The following ERC2 variants were observed in gnomAD, a reference collection of about 807,000 sequenced individuals.
The protein encoded by ERC2 is ELKS/RAB6-interacting/CAST family member 2.
In ERC2, 42 loss-of-function variants were observed where a neutral mutation model predicts 114.8. The observed-to-expected ratio is 0.37, with a 90% confidence interval of 0.29 to 0.47. The LOEUF (loss-of-function observed/expected upper bound fraction) is 0.47. Ranked by LOEUF, ERC2 falls within the 20% of genes least tolerant of loss-of-function variation. The pLI, the probability that ERC2 is intolerant of heterozygous loss-of-function variation, is 0.99. For synonymous variants in ERC2, 454 were observed against 425.5 expected (o/e 1.07, Z -0.82); for missense variants, 939 against 1,150.7 (o/e 0.82, Z 2.66).
chr3:55,978,068 A>G (rs9868630), intron 12 of ERC2, among the ~76,000 whole-genome samples: 68,514 of 152,046 alleles, frequency 0.45, 15,655 homozygotes, highest in Middle Eastern at 0.56. Context: ...CCAGTGCCTG[A>G]TACAGAGCAG....
intron 14 of ERC2, among the ~76,000 whole-genome samples, chr3:55,802,875 C>T (rs1012996581): frequency 6.6e-6 from 1 of 152,212 alleles, no homozygotes; most frequent in South Asian, 2.1e-4. Context: ...TCACAAACAT[C>T]TCCAGCATCA....
At chr3:55,958,177 G>C (rs1354143081) in intron 12 of ERC2, among the ~76,000 whole-genome samples, 1 of 152,192 alleles carries the variant, frequency 6.6e-6, no homozygotes, top group Non-Finnish European at 1.5e-5. Context: ...ATCCCAATGA[G>C]TGTTCAGCTC....
At chr3:56,098,791 G>C (rs569363295) in intron 6 of ERC2, among the ~76,000 whole-genome samples, 1 of 152,164 alleles carries the variant, frequency 6.6e-6, no homozygotes, top group African/African-American at 2.4e-5. Context: ...AGTTTGGGGA[G>C]CCATGGCATG....
chr3:55,934,001 C>T (rs953464201), intron 13 of ERC2, among the ~76,000 whole-genome samples: 1 of 152,076 alleles, frequency 6.6e-6, no homozygotes, highest in Non-Finnish European at 1.5e-5. Flanking sequence ...AGCCATCTAA[C>T]TCTAGCAAGC....
At chr3:56,007,383 T>C in intron 9 of ERC2, 62 bp from the exon 10 acceptor site, 1 of 1,401,512 alleles carries the variant, frequency 7.1e-7, no homozygotes, top group Non-Finnish European at 9.8e-7. Context: ...TGCCTTCAAT[T>C]TGAACACATT....
At chr3:55,670,442 C>T (rs981157155) in intron 17 of ERC2, among the ~76,000 whole-genome samples, 1 of 152,190 alleles carries the variant, frequency 6.6e-6, no homozygotes, top group African/African-American at 2.4e-5. Context: ...TTCCCCTTCC[C>T]ATGAGGGGAG....
intron 17 of ERC2, among the ~76,000 whole-genome samples, chr3:55,675,563 G>C (rs368037581): frequency 1.2e-4 from 18 of 152,290 alleles, no homozygotes; most frequent in African/African-American, 4.1e-4. Flanking sequence ...TGGGGCTGTG[G>C]AGATGGTTGG....
chr3:55,604,135 A>G (rs1229969636), intron 17 of ERC2, among the ~76,000 whole-genome samples: 1 of 152,188 alleles, frequency 6.6e-6, no homozygotes, highest in Non-Finnish European at 1.5e-5. Flanking sequence ...AGACTTTGCT[A>G]GCATTGTGAG....
At chr3:55,669,944 G>A (rs1252653045) in intron 17 of ERC2, among the ~76,000 whole-genome samples, 1 of 152,166 alleles carries the variant, frequency 6.6e-6, no homozygotes, top group East Asian at 1.9e-4. Flanking sequence ...AGATATTGAC[G>A]TGGCAAGCCT....
intron 4 of ERC2, among the ~76,000 whole-genome samples, chr3:56,163,129 A>G (rs1056633350): frequency 2.2e-4 from 34 of 152,124 alleles, no homozygotes; most frequent in African/African-American, 7.5e-4. Context: ...TTTACTCAAA[A>G]GTCATGCAGG....
chr3:56,158,271 G>C (rs781558965), intron 4 of ERC2, among the ~76,000 whole-genome samples: 1 of 152,030 alleles, frequency 6.6e-6, no homozygotes. Context: ...AGAAAGCTAA[G>C]TTCCTAGGTC....
intron 13 of ERC2, among the ~76,000 whole-genome samples, chr3:55,934,938 G>C (rs1016588598): frequency 6.6e-6 from 1 of 152,110 alleles, no homozygotes; most frequent in Non-Finnish European, 1.5e-5. Context: ...AAAAGATAAG[G>C]TTACAAAACA....
In ERC2 at chr3:55,542,676, T is replaced by C. The variant is rs6784383; in HGVS notation, c.*40-31400A>G. On this transcript the variant is annotated intron_variant, in intron 17 of 17. Coordinates refer to ENST00000288221, the MANE Select transcript of ERC2 (RefSeq NM_015576.3). ...AAAAAATGAAGAGCTTTGAGTGTCT[T>C]TCAGATTATTTCCCCTTTCTCCCCT... Among the ~76,000 whole-genome samples, 1,520 of 152,260 alleles carry C rather than the reference T, an allele frequency of 1.0e-2. 10 individuals are homozygous for C. The highest frequency in any genetic ancestry group is 0.016 in the Non-Finnish European group (1,114 of 68,012).
intron 14 of ERC2, among the ~76,000 whole-genome samples, chr3:55,738,311 A>T (rs539864849): frequency 6.6e-6 from 1 of 152,308 alleles, no homozygotes; most frequent in African/African-American, 2.4e-5. Flanking sequence ...CAAAATGATA[A>T]TAATCACCAT....
chr3:55,544,973 C>A (rs922239412), intron 17 of ERC2, among the ~76,000 whole-genome samples: 3 of 152,218 alleles, frequency 2.0e-5, no homozygotes, highest in Non-Finnish European at 2.9e-5. Context: ...CTGTGGTTAT[C>A]ATTGTGACGT....
chr3:55,734,223 A>C (rs1014125545), intron 15 of ERC2, among the ~76,000 whole-genome samples: 12 of 152,200 alleles, frequency 7.9e-5, no homozygotes, highest in African/African-American at 2.9e-4. Flanking sequence ...AATAGAGTGA[A>C]GAATGGCTGG....
At chr3:56,373,281 C>CAA in intron 2 of ERC2, among the ~76,000 whole-genome samples, 1 of 152,052 alleles carries the variant, frequency 6.6e-6, no homozygotes, top group East Asian at 1.9e-4. Context: ...CGATATTCAC[C>CAA]AAAAAAATCT....
intron 4 of ERC2, among the ~76,000 whole-genome samples, chr3:56,169,728 C>T (rs529451779): frequency 1.6e-3 from 238 of 151,430 alleles, no homozygotes; most frequent in Non-Finnish European, 2.8e-3. Context: ...GATTTTCCTT[C>T]ACTTAAAATT....
intron 17 of ERC2, among the ~76,000 whole-genome samples, chr3:55,667,027 A>G (rs1308614652): frequency 6.6e-6 from 1 of 152,242 alleles, no homozygotes; most frequent in Non-Finnish European, 1.5e-5. Flanking sequence ...ATTATATGTT[A>G]AACATTGTGT....
Sources: allele counts gnomAD v4.1 joint callset (sites outside exome capture counted in the v4.1 genomes callset), GRCh38; gene constraint gnomAD v4.1.1; transcripts MANE v1.5; gene names NCBI Gene and HGNC (gene_info 2026-07-23, HGNC 2026-07-21).